ADAM29: variants seen among roughly 807,000 people sequenced by gnomAD.
The protein encoded by ADAM29 is disintegrin and metalloproteinase domain-containing protein 29.
For synonymous variants in ADAM29, 367 were observed against 342.3 expected (o/e 1.07, Z -0.80); for missense variants, 969 against 1,001.8 (o/e 0.97, Z 0.44).
chr4:174,941,670 G>A (rs1744543537), intron 4 of ADAM29, among the ~76,000 whole-genome samples: 1 of 152,078 alleles, frequency 6.6e-6, no homozygotes, highest in Non-Finnish European at 1.5e-5. Flanking sequence ...GACAAATGAG[G>A]ATTGCAATTT....
intron 4 of ADAM29, among the ~76,000 whole-genome samples, chr4:174,972,106 G>T (rs1746509493): frequency 1.3e-5 from 2 of 151,958 alleles, no homozygotes; most frequent in South Asian, 4.2e-4. Context: ...TTTTTCTCTT[G>T]ACCTCCATAA....
At chr4:174,956,893 T>C (rs1745539159) in intron 4 of ADAM29, among the ~76,000 whole-genome samples, 1 of 151,886 alleles carries the variant, frequency 6.6e-6, no homozygotes, top group South Asian at 2.1e-4. Context: ...AACCATATGA[T>C]TCCTAAAAGT....
intron 1 of ADAM29, chr4:174,919,048 A>C (rs1743027794): frequency 6.6e-6 from 1 of 152,198 alleles, no homozygotes; most frequent in African/African-American, 2.4e-5. Flanking sequence ...GTCTTTAACC[A>C]GGGCCTCAAG....
intron 4 of ADAM29, among the ~76,000 whole-genome samples, chr4:174,962,571 G>A (rs1446820863): frequency 1.3e-5 from 2 of 151,432 alleles, no homozygotes; most frequent in Non-Finnish European, 2.9e-5. Context: ...GTGCATCAGA[G>A]TGACTGTAAC....
At chr4:174,947,547 A>T (rs922095831) in intron 4 of ADAM29, among the ~76,000 whole-genome samples, 1 of 152,146 alleles carries the variant, frequency 6.6e-6, no homozygotes, top group African/African-American at 2.4e-5. Context: ...TCGTAATTGT[A>T]TGGTTTTGAG....
chr4:174,976,530 T>C lies in ADAM29; in HGVS notation c.1005T>C (p.Gly335=), dbSNP rs745514808. 3 of 1,607,374 alleles carry C rather than the reference T, an allele frequency of 1.9e-6. No homozygotes were observed. Among genetic ancestry groups the C allele is most frequent in the Non-Finnish European group, 2.5e-6 (3 of 1,177,312 alleles). The change falls in exon 5 of 5, where the codon GGT becomes GGC. Residue 335 remains glycine (G), a synonymous_variant. Transcript: ENST00000359240. ...CAATTGCAGTGGCTCATCATCTAGGTCATAATTTGGGCATGAACCATGATG... is the reference window on the plus strand; with the variant it reads ...CAATTGCAGTGGCTCATCATCTAGGCCATAATTTGGGCATGAACCATGATG... ...TFSIAVAHHL[G]HNLGMNHDED...
chr4:174,920,179 C>T (rs1250913434), intron 1 of ADAM29, among the ~76,000 whole-genome samples: 1 of 152,114 alleles, frequency 6.6e-6, no homozygotes, highest in Admixed American at 6.6e-5. Context: ...AACTATTTTT[C>T]TACTAACCCA....
rs546926642 is a variant in ADAM29, at chr4:174,924,258, T to C, written c.-451+3466T>C. Among the ~76,000 whole-genome samples, 4 of 152,202 alleles carry C rather than the reference T, an allele frequency of 2.6e-5. No homozygotes were observed. In the East Asian group the frequency reaches 7.7e-4, roughly 29 times the overall value. On this transcript the variant is annotated intron_variant, in intron 2 of 4. Coordinates refer to ENST00000359240, the MANE Select transcript of ADAM29 (RefSeq NM_014269.4). ...AAAATTTTATCAAAACATTTGTCTT[T>C]AGGAAATTGCAAATTAAGACAAAAT...
At chr4:174,969,616 C>T (rs1176344601) in intron 4 of ADAM29, among the ~76,000 whole-genome samples, 13 of 151,772 alleles carry the variant, frequency 8.6e-5, no homozygotes, top group Admixed American at 8.5e-4. Context: ...TAGTAATGTA[C>T]ATACATAAAA....
chr4:174,945,896 C>A (rs1361147847), intron 4 of ADAM29, among the ~76,000 whole-genome samples: 4 of 152,016 alleles, frequency 2.6e-5, no homozygotes, highest in African/African-American at 7.2e-5. Context: ...TTACTGTAGT[C>A]TTGTAGTATA....
Position 174,966,519 on chromosome 4 carries a change from C to T in ADAM29, c.-180-8827C>T, listed in dbSNP as rs116304641. Reference sequence around the variant, plus strand: ...ACAGGAGTAGGATAGACATCCTATTCCAAAGGTAAAAATCTGAAGAAAGAA... The same window carrying T: ...ACAGGAGTAGGATAGACATCCTATTTCAAAGGTAAAAATCTGAAGAAAGAA... On this transcript the variant is annotated intron_variant, in intron 4 of 4. Transcript: ENST00000359240. Among the ~76,000 whole-genome samples, 1,509 of 152,186 alleles carry T rather than the reference C, an allele frequency of 9.9e-3. 17 individuals carry two copies. Among genetic ancestry groups the T allele is most frequent in the Non-Finnish European group, 0.017 (1,161 of 68,004 alleles).
At chr4:174,919,914 G>T (rs1743073420) in intron 1 of ADAM29, among the ~76,000 whole-genome samples, 1 of 152,104 alleles carries the variant, frequency 6.6e-6, no homozygotes, top group Non-Finnish European at 1.5e-5. Flanking sequence ...GGCATTTTAG[G>T]AGTCATTTTC....
At chr4:174,971,703 G>T (rs1746488820) in intron 4 of ADAM29, among the ~76,000 whole-genome samples, 1 of 151,980 alleles carries the variant, frequency 6.6e-6, no homozygotes, top group Non-Finnish European at 1.5e-5. Context: ...CATCTTATTT[G>T]GGAACTTTTG....
chr4:174,923,570 CAT>C (rs1202392970), intron 2 of ADAM29, among the ~76,000 whole-genome samples: 11 of 123,482 alleles, frequency 8.9e-5, no homozygotes, highest in African/African-American at 3.2e-4. Context: ...TACACACACA[CAT>C]ATATATCTTT....
At chr4:174,973,955 A>G (rs976472205) in intron 4 of ADAM29, among the ~76,000 whole-genome samples, 5 of 152,232 alleles carry the variant, frequency 3.3e-5, no homozygotes, top group Non-Finnish European at 7.3e-5. Context: ...GCAGGGTTGT[A>G]TCAGCTAGGT....
At chr4:174,950,685 T>C (rs1408846336) in intron 4 of ADAM29, among the ~76,000 whole-genome samples, 1 of 152,212 alleles carries the variant, frequency 6.6e-6, no homozygotes. Context: ...CACACATGCA[T>C]GTGTATATAT....
intron 4 of ADAM29, among the ~76,000 whole-genome samples, chr4:174,969,133 A>G (rs754112495): frequency 2.9e-4 from 44 of 151,556 alleles, no homozygotes; most frequent in South Asian, 6.2e-4. Flanking sequence ...AATTAACATC[A>G]TCTTCTTCTT....
intron 2 of ADAM29, among the ~76,000 whole-genome samples, chr4:174,929,057 A>G (rs1743691057): frequency 6.6e-6 from 1 of 152,218 alleles, no homozygotes; most frequent in Non-Finnish European, 1.5e-5. Flanking sequence ...TGCCTTGGTC[A>G]GTGCCAGATG....
At chr4:174,962,463 G>T (rs1347719670) in intron 4 of ADAM29, among the ~76,000 whole-genome samples, 2 of 148,150 alleles carry the variant, frequency 1.3e-5, no homozygotes, top group Non-Finnish European at 3.0e-5. Context: ...AGTGAGCCGA[G>T]ATCGCGCCAC....
Sources: gnomAD v4.1 joint callset for allele counts (sites outside exome capture counted in the v4.1 genomes callset) on GRCh38, gnomAD v4.1.1 for gene constraint, MANE v1.5 for transcripts, NCBI Gene and HGNC (gene_info 2026-07-23, HGNC 2026-07-21) for gene names.